Variants in NIPSNAP1 observed in about 807,000 individuals in gnomAD.
NIPSNAP1 encodes the protein nipsnap homolog 1.
Under a neutral mutation model 49.2 loss-of-function variants are expected in NIPSNAP1, and 25 were observed. That is an observed-to-expected ratio of 0.51 (90% CI 0.37 to 0.71). The LOEUF is 0.71. Ranked by LOEUF, NIPSNAP1 falls within the 30% of genes least tolerant of loss-of-function variation. The pLI, the probability that NIPSNAP1 is intolerant of heterozygous loss-of-function variation, is 0.00. For missense variants in NIPSNAP1, 294 were observed against 361.0 expected, an observed-to-expected ratio of 0.81 and a Z score of 1.50; for synonymous variants, 143 against 140.7, an observed-to-expected ratio of 1.02 and a Z score of -0.12.
chr22:29,566,878 C>T (rs2064371762), intron 4 of NIPSNAP1, among the ~76,000 whole-genome samples: 1 of 152,188 alleles, frequency 6.6e-6, no homozygotes, highest in East Asian at 1.9e-4. Context: ...AATCCCAACA[C>T]TTTGGGAGGC....
chr22:29,557,492 A>G (rs1456196543), intron 9 of NIPSNAP1, among the ~76,000 whole-genome samples: 4 of 152,022 alleles, frequency 2.6e-5, no homozygotes, highest in Non-Finnish European at 4.4e-5. Flanking sequence ...CAATGGCACA[A>G]TCATGGCTCC....
intron 1 of NIPSNAP1, 63 bp downstream of exon 1, chr22:29,580,922 C>CCCTGGCCCCCGCGCCTGCA (rs1430699300): frequency 7.5e-7 from 1 of 1,341,968 alleles, no homozygotes; most frequent in Non-Finnish European, 9.9e-7. Context: ...ACGACCCAGT[C>CCCTGGCCCCCGCGCCTGCA]CCTGGCCCCC....
Position 29,570,383 on chromosome 22 carries a change from G to A in NIPSNAP1, c.226+22C>T, listed in dbSNP as rs775555131. 9 of 1,613,886 alleles carry A rather than the reference G, an allele frequency of 5.6e-6. No homozygotes were observed. The South Asian group carries it at 7.7e-5, about 14-fold the overall frequency. ...CAGAGCCCCTGAAAGGGCAGAAATT[G>A]GTCAGCTCAGCAGCCACTCACACTG... On this transcript the variant is annotated intron_variant, in intron 2 of 9. Coordinates refer to ENST00000216121, the MANE Select transcript of NIPSNAP1 (RefSeq NM_003634.4).
At chr22:29,564,320 G>A (rs1250361620) in intron 4 of NIPSNAP1, 3 of 470,206 alleles carry the variant, frequency 6.4e-6, no homozygotes, top group Non-Finnish European at 1.3e-5. Flanking sequence ...TTTTCCCAAA[G>A]GAAATGGCAA....
chr22:29,571,495 T>A (rs1259822487), intron 1 of NIPSNAP1, among the ~76,000 whole-genome samples: 2 of 152,190 alleles, frequency 1.3e-5, no homozygotes, highest in Admixed American at 6.6e-5. Context: ...TGCTGCCAGC[T>A]CCTACTGGAC....
intron 4 of NIPSNAP1, among the ~76,000 whole-genome samples, chr22:29,562,275 G>T (rs2064341237): frequency 6.6e-6 from 1 of 152,152 alleles, no homozygotes. Flanking sequence ...GAACTGATGG[G>T]CTGATATGGA....
At chr22:29,560,348 A>T (rs112066316) in intron 8 of NIPSNAP1, among the ~76,000 whole-genome samples, 1 of 151,918 alleles carries the variant, frequency 6.6e-6, no homozygotes, top group South Asian at 2.1e-4. Flanking sequence ...CCCGGGTTCA[A>T]CTGATTCTCC....
rs2064284963 is a variant in NIPSNAP1, at chr22:29,555,407, T to G, written c.*528A>C. 6.3e-6 allele frequency: 1 copy of G among 159,606 alleles called. No homozygotes were observed. The allele number at this position is 159,606 out of a possible 1,614,324, so 9.9% of individuals were successfully genotyped here. On this transcript the variant is annotated 3_prime_UTR_variant, in exon 10 of 10. Coordinates refer to ENST00000216121, the MANE Select transcript of NIPSNAP1 (RefSeq NM_003634.4). ...CTCCTCCTGACCGTGGTGACGAGGT[T>G]TGTTTGTATTTGTTTTTTTGTTTTG...
chr22:29,574,416 AGT>A (rs1250489945), intron 1 of NIPSNAP1, among the ~76,000 whole-genome samples: 1 of 152,086 alleles, frequency 6.6e-6, no homozygotes, highest in African/African-American at 2.4e-5. Context: ...AAGATTTTAA[AGT>A]GTGTTAAGCA....
intron 3 of NIPSNAP1, chr22:29,569,808 G>T (rs956915764): frequency 3.5e-5 from 13 of 370,720 alleles, no homozygotes; most frequent in Non-Finnish European, 5.2e-6. Flanking sequence ...GACTAACATG[G>T]TGAAACCCTG....
intron 1 of NIPSNAP1, among the ~76,000 whole-genome samples, chr22:29,578,753 G>GA (rs2064474476): frequency 6.6e-6 from 1 of 151,270 alleles, no homozygotes; most frequent in African/African-American, 2.5e-5. Flanking sequence ...TACAGAAAAG[G>GA]AAACTGAGGC....
At chr22:29,572,302 CAAAAA>C (rs695769) in intron 1 of NIPSNAP1, among the ~76,000 whole-genome samples, 1 of 71,098 alleles carries the variant, frequency 1.4e-5, no homozygotes. Context: ...GAATCCATCT[CAAAAA>C]AAAAAAAAAA....
At chr22:29,568,931 T>C (rs1337418462) in intron 4 of NIPSNAP1, among the ~76,000 whole-genome samples, 1 of 151,864 alleles carries the variant, frequency 6.6e-6, no homozygotes, top group Admixed American at 6.6e-5. Context: ...GAGTCCTGGG[T>C]GGGACAGCAC....
chr22:29,576,692 G>A (rs1224439959), intron 1 of NIPSNAP1, among the ~76,000 whole-genome samples: 1 of 151,416 alleles, frequency 6.6e-6, no homozygotes, highest in East Asian at 1.9e-4. Context: ...TTGGGAAGCC[G>A]AGGCGGGTGG....
chr22:29,576,168 G>A (rs1188437381), intron 1 of NIPSNAP1, among the ~76,000 whole-genome samples: 1 of 150,766 alleles, frequency 6.6e-6, no homozygotes, highest in Non-Finnish European at 1.5e-5. Flanking sequence ...ACAGGTGCGT[G>A]CTACCACACC....
Position 29,569,304 on chromosome 22 carries a change from G to A in NIPSNAP1, c.273-17C>T, listed in dbSNP as rs71331203. On this transcript the variant is annotated splice_polypyrimidine_tract_variant and intron_variant, in intron 3 of 9. Transcript: ENST00000216121. ...ACAGCCTCCCTGTGGGGGAGGTGCAGAGAGGGGCAGGGTTCACATAGCCAC... is the reference window on the plus strand; with the variant it reads ...ACAGCCTCCCTGTGGGGGAGGTGCAAAGAGGGGCAGGGTTCACATAGCCAC... The A allele has an allele frequency of 6.2e-7, 1 of 1,601,510 alleles. No individual in the cohort carries two copies. Among genetic ancestry groups the A allele is most frequent in the Admixed American group, 1.7e-5 (1 of 59,912 alleles).
At chr22:29,569,940 G>C (rs1390643883) in intron 3 of NIPSNAP1, 4 of 549,842 alleles carry the variant, frequency 7.3e-6, no homozygotes. Context: ...AGTGAGCCGA[G>C]ATCGCGCCAT....
At chr22:29,563,529 AAAAT>A (rs1195663848) in intron 4 of NIPSNAP1, among the ~76,000 whole-genome samples, 1 of 152,184 alleles carries the variant, frequency 6.6e-6, no homozygotes, top group African/African-American at 2.4e-5. Context: ...TCCGTCTCAA[AAAAT>A]AAATAAATAA....
chr22:29,569,970 C>T (rs1055801138), intron 3 of NIPSNAP1, 192 bp downstream of exon 3: 19 of 613,948 alleles, frequency 3.1e-5, no homozygotes, highest in South Asian at 1.9e-4. Context: ...GCCTGGGCAA[C>T]GAGAGCAAAA....
Sources: allele counts gnomAD v4.1 joint callset (sites outside exome capture counted in the v4.1 genomes callset), GRCh38; gene constraint gnomAD v4.1.1; transcripts MANE v1.5; gene names NCBI Gene and HGNC (gene_info 2026-07-23, HGNC 2026-07-21).